The following SORCS1 variants were observed in gnomAD, a reference collection of about 807,000 sequenced individuals.
SORCS1 encodes the protein VPS10 domain-containing receptor SorCS1.
SORCS1 carries 60 observed loss-of-function variants against 146.1 expected under a neutral mutation model. The observed-to-expected ratio is 0.41, with a 90% confidence interval of 0.33 to 0.51. The LOEUF is 0.51. Ranked by LOEUF, SORCS1 falls within the 20% of genes least tolerant of loss-of-function variation. SORCS1 has a pLI of 0.21. For synonymous variants in SORCS1, 637 were observed against 584.0 expected (o/e 1.09, Z -1.31); for missense variants, 1,352 against 1,487.6 (o/e 0.91, Z 1.50).
chr10:107,016,568 G>A (rs993983271), intron 1 of SORCS1, among the ~76,000 whole-genome samples: 2 of 152,164 alleles, frequency 1.3e-5, no homozygotes, highest in Non-Finnish European at 2.9e-5. Flanking sequence ...GCAACACAAT[G>A]AGATTTCTAG....
chr10:106,583,783 A>G (rs1221985720), intron 24 of SORCS1, among the ~76,000 whole-genome samples: 4 of 152,058 alleles, frequency 2.6e-5, no homozygotes, highest in African/African-American at 7.2e-5. Flanking sequence ...TGCTGGGATT[A>G]CAGGTGTGAG....
chr10:107,036,495 T>C (rs1391862403), intron 1 of SORCS1, among the ~76,000 whole-genome samples: 13 of 152,104 alleles, frequency 8.5e-5, no homozygotes, highest in Non-Finnish European at 1.9e-4. Context: ...TACAGACCTA[T>C]GATAATTGAG....
chr10:106,717,240 T>G lies in SORCS1; in HGVS notation c.1025-7899A>C, dbSNP rs575265354. ...ATAACTTTTCCTTTTGTTCTACTGC[T>G]CTATTACTTATTTTGAAACTTCTGT... On this transcript the variant is annotated intron_variant, in intron 6 of 25. Transcript: ENST00000263054. Among the ~76,000 whole-genome samples the G allele has an allele frequency of 5.3e-5, 8 of 152,356 alleles. No homozygotes were observed. In the South Asian group the frequency reaches 1.7e-3, roughly 32 times the overall value.
At chr10:106,884,213 A>C (rs1019931821) in intron 2 of SORCS1, among the ~76,000 whole-genome samples, 2 of 152,186 alleles carry the variant, frequency 1.3e-5, no homozygotes, top group African/African-American at 2.4e-5. Flanking sequence ...CACTGATATG[A>C]AAATTTAAGC....
intron 1 of SORCS1, among the ~76,000 whole-genome samples, chr10:107,096,408 A>G (rs953752028): frequency 6.6e-6 from 1 of 152,260 alleles, no homozygotes; most frequent in African/African-American, 2.4e-5. Context: ...GTAGTTACCT[A>G]TAGGGAACAC....
chr10:106,654,767 C>T (rs1053995089), intron 17 of SORCS1, among the ~76,000 whole-genome samples: 3 of 152,176 alleles, frequency 2.0e-5, no homozygotes, highest in African/African-American at 4.8e-5. Context: ...ATGAGGGGGT[C>T]ACCAAAACTC....
intron 15 of SORCS1, among the ~76,000 whole-genome samples, chr10:106,671,683 T>A (rs1364478802): frequency 6.6e-6 from 1 of 152,204 alleles, no homozygotes; most frequent in Non-Finnish European, 1.5e-5. Context: ...CCTAGTGTAT[T>A]GCCAGTAAAT....
intron 1 of SORCS1, among the ~76,000 whole-genome samples, chr10:107,161,088 C>A (rs1969668529): frequency 6.6e-6 from 1 of 152,182 alleles, no homozygotes; most frequent in Non-Finnish European, 1.5e-5. Context: ...ATCACACCCA[C>A]AGACGAGGCA....
chr10:106,991,804 G>T (rs1462654332), intron 1 of SORCS1, among the ~76,000 whole-genome samples: 1 of 152,166 alleles, frequency 6.6e-6, no homozygotes, highest in Non-Finnish European at 1.5e-5. Flanking sequence ...GACAAGAAGA[G>T]GGAGGATGAA....
At position 106,730,040 on chromosome 10, in the gene SORCS1, A is replaced by T; in HGVS notation, c.1024+10T>A. 6.2e-7 allele frequency: 1 copy of T among 1,614,070 alleles called. No individual in the cohort carries two copies. The highest frequency in any genetic ancestry group is 8.5e-7 in the Non-Finnish European group (1 of 1,179,936). ...TACTATGAGTATTGCGGCAAAGTTGATTTACTTACGACCATCCACAGTTCT... is the reference window on the plus strand; with the variant it reads ...TACTATGAGTATTGCGGCAAAGTTGTTTTACTTACGACCATCCACAGTTCT... On this transcript the variant is annotated intron_variant, in intron 6 of 25. Transcript: ENST00000263054.
intron 2 of SORCS1, among the ~76,000 whole-genome samples, chr10:106,946,440 C>T (rs11193128): frequency 0.46 from 70,566 of 151,980 alleles, 18,253 homozygotes; most frequent in Non-Finnish European, 0.58. Flanking sequence ...GGTCTTCCCC[C>T]ATACTATTTT....
At chr10:106,813,877 C>T (rs951611758) in intron 3 of SORCS1, among the ~76,000 whole-genome samples, 11 of 152,030 alleles carry the variant, frequency 7.2e-5, no homozygotes, top group Admixed American at 7.2e-4. Flanking sequence ...TGCTCCAGCC[C>T]GGGAATTGAA....
intron 2 of SORCS1, among the ~76,000 whole-genome samples, chr10:106,855,858 C>T (rs967592509): frequency 2.6e-5 from 4 of 151,908 alleles, no homozygotes; most frequent in African/African-American, 7.3e-5. Context: ...TTCTGATATT[C>T]CTATCATATA....
At chr10:106,668,130 G>A (rs779785360) in intron 16 of SORCS1, among the ~76,000 whole-genome samples, 1 of 152,158 alleles carries the variant, frequency 6.6e-6, no homozygotes, top group African/African-American at 2.4e-5. Context: ...AAGCTGTAAT[G>A]AGAAAACGGG....
At chr10:106,695,444 C>T (rs1853625435) in intron 9 of SORCS1, among the ~76,000 whole-genome samples, 1 of 152,162 alleles carries the variant, frequency 6.6e-6, no homozygotes, top group African/African-American at 2.4e-5. Context: ...AGATGCTGAT[C>T]CTTCAGGAAA....
At chr10:106,678,088 G>A (rs372945409) in intron 12 of SORCS1, among the ~76,000 whole-genome samples, 1 of 152,158 alleles carries the variant, frequency 6.6e-6, no homozygotes, top group Non-Finnish European at 1.5e-5. Flanking sequence ...GATCCTTTCT[G>A]TATAAGATGC....
chr10:106,974,089 A>G (rs191451522), intron 1 of SORCS1, among the ~76,000 whole-genome samples: 1 of 152,206 alleles, frequency 6.6e-6, no homozygotes, highest in African/African-American at 2.4e-5. Context: ...ATTTGATGTT[A>G]TGACTAGCAC....
chr10:106,763,436 A>G (rs1271153528), intron 4 of SORCS1, among the ~76,000 whole-genome samples: 1 of 152,242 alleles, frequency 6.6e-6, no homozygotes, highest in Non-Finnish European at 1.5e-5. Context: ...GAGGCCCCTC[A>G]AGTGGTGGGT....
intron 2 of SORCS1, among the ~76,000 whole-genome samples, chr10:106,935,520 G>A (rs1404272953): frequency 6.6e-6 from 1 of 152,072 alleles, no homozygotes; most frequent in Non-Finnish European, 1.5e-5. Context: ...AAAATTCCTA[G>A]AAGAAATAGG....
Sources: allele counts gnomAD v4.1 joint callset (sites outside exome capture counted in the v4.1 genomes callset), GRCh38; gene constraint gnomAD v4.1.1; transcripts MANE v1.5; gene names NCBI Gene and HGNC (gene_info 2026-07-23, HGNC 2026-07-21).